RMND1: variants seen among roughly 807,000 people sequenced by gnomAD.
RMND1 encodes required for meiotic nuclear division 1 homolog.
In RMND1, 41 loss-of-function variants were observed where a neutral mutation model predicts 54.0. That is an observed-to-expected ratio of 0.76 (90% confidence interval 0.59 to 0.98). RMND1 has a LOEUF of 0.98. RMND1 is among the 50% of genes least tolerant of loss of function. The pLI is 0.00. For missense variants in RMND1, 457 were observed against 532.0 expected (o/e 0.86, Z 1.39); for synonymous variants, 183 against 181.7 (o/e 1.01, Z -0.06).
intron 6 of RMND1, among the ~76,000 whole-genome samples, chr6:151,423,902 C>T (rs192964585): frequency 1.3e-5 from 2 of 150,664 alleles, no homozygotes; most frequent in Non-Finnish European, 2.9e-5. Flanking sequence ...GGCTAGAGTG[C>T]AGTGGTGCGA....
intron 1 of RMND1, among the ~76,000 whole-genome samples, chr6:151,450,819 A>T (rs1232784001): frequency 6.6e-6 from 1 of 152,162 alleles, no homozygotes; most frequent in Non-Finnish European, 1.5e-5. Flanking sequence ...GTGTAGAAAG[A>T]AGTAGACATG....
At chr6:151,439,177 G>A (rs1780698728) in intron 2 of RMND1, among the ~76,000 whole-genome samples, 1 of 152,182 alleles carries the variant, frequency 6.6e-6, no homozygotes, top group African/African-American at 2.4e-5. Flanking sequence ...TTGATATACA[G>A]TGATGTATTA....
intron 1 of RMND1, among the ~76,000 whole-genome samples, chr6:151,451,448 C>T (rs532755325): frequency 9.5e-4 from 144 of 151,858 alleles, no homozygotes; most frequent in African/African-American, 3.3e-3. Context: ...ACAGACAAAA[C>T]GAGGTAAATC....
intron 2 of RMND1, among the ~76,000 whole-genome samples, chr6:151,444,114 A>T (rs1234566356): frequency 6.6e-6 from 1 of 152,254 alleles, no homozygotes; most frequent in Non-Finnish European, 1.5e-5. Flanking sequence ...CCAAAGAAAT[A>T]GCCTAGGGAC....
rs577788642 is a variant in RMND1, at chr6:151,434,996, G to A, written c.613+1450C>T. 3.6e-3 allele frequency among the ~76,000 whole-genome samples: 540 copies of A among 151,920 alleles called. 4 individuals carry two copies. Among genetic ancestry groups the A allele is most frequent in the Non-Finnish European group, 3.8e-3 (256 of 67,972 alleles). Reference sequence around the variant, plus strand: ...CCTGAGTAGCTGGGATTACAGGCACGTACCACCACGCCCAGCTAATTTTTG... The same window carrying A: ...CCTGAGTAGCTGGGATTACAGGCACATACCACCACGCCCAGCTAATTTTTG... On this transcript the variant is annotated intron_variant, in intron 3 of 11. Coordinates refer to ENST00000444024, the MANE Select transcript of RMND1 (RefSeq NM_017909.4).
intron 1 of RMND1, among the ~76,000 whole-genome samples, chr6:151,447,754 A>C (rs1267763315): frequency 7.6e-6 from 1 of 131,160 alleles, no homozygotes; most frequent in African/African-American, 3.2e-5. Flanking sequence ...AAACTATAAA[A>C]TATTTTAGAA....
rs190485049 is a variant in RMND1, at chr6:151,417,381, A to C, written c.1098T>G (p.Ser366Arg). The change falls in exon 10 of 12, where the codon AGT (serine) becomes AGG (arginine). Residue 366 changes from serine to arginine, a missense_variant. Ser to Arg is a moderately radical substitution (Grantham distance 110, BLOSUM62 -1). Coordinates refer to ENST00000444024, the MANE Select transcript of RMND1 (RefSeq NM_017909.4). ...LFALRHRINL[S>R]SDFLITPDFY... Reference sequence around the variant, plus strand: ...AATCAGGAGTAATCAGGAAGTCTGAACTCAAGTTTATACGGTGCCTTTAAA... The same window carrying C: ...AATCAGGAGTAATCAGGAAGTCTGACCTCAAGTTTATACGGTGCCTTTAAA... 3.8e-5 allele frequency: 61 copies of C among 1,606,760 alleles called. No homozygotes were observed. The East Asian group carries it at 1.3e-3, about 34-fold the overall frequency.
At chr6:151,447,461 G>C (rs984787155) in intron 1 of RMND1, among the ~76,000 whole-genome samples, 2 of 152,154 alleles carry the variant, frequency 1.3e-5, no homozygotes, top group African/African-American at 4.8e-5. Context: ...GAGGTTTAAA[G>C]AGGCTAAGTG....
At chr6:151,431,675 G>A (rs1368287374) in intron 4 of RMND1, among the ~76,000 whole-genome samples, 3 of 152,090 alleles carry the variant, frequency 2.0e-5, no homozygotes, top group Non-Finnish European at 2.9e-5. Context: ...ACTGAGATGC[G>A]CTGTAAGTGT....
At chr6:151,405,930 C>G (rs539009612) in intron 10 of RMND1, 94 bp from the exon 11 acceptor site, 147 of 597,514 alleles carry the variant, frequency 2.5e-4, no homozygotes, top group Admixed American at 1.2e-3. Flanking sequence ...AAATCCTGCT[C>G]CTCAGTCCTC....
Position 151,405,757 on chromosome 6 carries a change from C to A in RMND1, c.1280G>T (p.Arg427Leu). The A allele has an allele frequency of 6.2e-7, 1 of 1,602,726 alleles. No individual in the cohort carries two copies. The highest frequency in any genetic ancestry group is 8.5e-7 in the Non-Finnish European group (1 of 1,169,814). ...GAGGATGACAATCATCCACTCCAAG[C>A]GGAGTGCCCTCTTCTCATTCAGGTG... ...RNHLNEKRALRLEWMIVILIT... is the reference protein window; with the variant it reads ...RNHLNEKRALLLEWMIVILIT... Residue 427 changes from arginine (R) to leucine (L), a missense_variant, in exon 11 of 12, where the codon CGC becomes CTC. Coordinates refer to ENST00000444024, the MANE Select transcript of RMND1 (RefSeq NM_017909.4).
chr6:151,440,056 A>C (rs1780733328), intron 2 of RMND1, among the ~76,000 whole-genome samples: 1 of 152,068 alleles, frequency 6.6e-6, no homozygotes, highest in Non-Finnish European at 1.5e-5. Flanking sequence ...CCCTGGATTC[A>C]AGTGATTATC....
At chr6:151,418,638 C>T (rs1328497984) in intron 9 of RMND1, 1 of 152,082 alleles carries the variant, frequency 6.6e-6, no homozygotes, top group East Asian at 1.9e-4. Flanking sequence ...TTATTCTTAT[C>T]TGTATCTTTC....
At chr6:151,442,038 G>A (rs1407297440) in intron 2 of RMND1, among the ~76,000 whole-genome samples, 2 of 152,138 alleles carry the variant, frequency 1.3e-5, no homozygotes, top group East Asian at 1.9e-4. Context: ...AGTGTCTGGA[G>A]AATTGGAGAA....
intron 1 of RMND1, among the ~76,000 whole-genome samples, chr6:151,447,413 T>G (rs901012285): frequency 1.3e-5 from 2 of 152,186 alleles, no homozygotes; most frequent in Non-Finnish European, 2.9e-5. Context: ...GTGCTCGGCT[T>G]CACCTCATAA....
Position 151,422,205 on chromosome 6 carries a change from G to GC in RMND1, c.1002+335dup, listed in dbSNP as rs566098755. ...AGTATTTTGAGAAAAAAGAATGGTT[G>GC]CATCTGTACCGAACATGTACAAACT... is the stretch of plus-strand genomic sequence containing the variant. On this transcript the variant is annotated intron_variant, in intron 8 of 11. Transcript: ENST00000444024. Among the ~76,000 whole-genome samples, 513 of 152,214 alleles carry GC rather than the reference G, an allele frequency of 3.4e-3. 1 individual carries two copies. Among genetic ancestry groups the GC allele is most frequent in the African/African-American group, 0.012 (488 of 41,534 alleles).
Position 151,422,494 on chromosome 6 carries a change from A to C in RMND1, c.1002+47T>G, listed in dbSNP as rs6912830. ...TTATATTGGGAAATTCATATTTTTT[A>C]CATATAAAAATCAATCCTTGAATAA... On this transcript the variant is annotated intron_variant, in intron 8 of 11. Transcript: ENST00000444024. 424,793 of 921,104 alleles carry C rather than the reference A, an allele frequency of 0.46. 104,593 individuals are homozygous for C. The highest frequency in any genetic ancestry group is 0.83 in the African/African-American group (47,989 of 58,066). 57.1% of individuals were successfully genotyped at this position (921,104 alleles called of 1,614,324 possible). A position where few individuals can be genotyped will look rare whatever the true frequency, so the allele number is the denominator to read the frequency against.
At chr6:151,415,798 A>G (rs1333174944) in intron 10 of RMND1, among the ~76,000 whole-genome samples, 2 of 150,260 alleles carry the variant, frequency 1.3e-5, no homozygotes, top group African/African-American at 4.9e-5. Context: ...GTCTCAAAAA[A>G]AAAAAAAAAA....
chr6:151,450,105 GC>G (rs899836312), intron 1 of RMND1, among the ~76,000 whole-genome samples: 2 of 152,008 alleles, frequency 1.3e-5, no homozygotes, highest in Admixed American at 6.5e-5. Context: ...CTGCCTGGCT[GC>G]CCAGTCTGGA....
Sources: allele counts gnomAD v4.1 joint callset (sites outside exome capture counted in the v4.1 genomes callset), GRCh38; gene constraint gnomAD v4.1.1; transcripts MANE v1.5; gene names NCBI Gene and HGNC (gene_info 2026-07-23, HGNC 2026-07-21).